Variants in DNAH7 observed in about 807,000 individuals in gnomAD.
The protein encoded by DNAH7 is dynein axonemal heavy chain 7.
In DNAH7, 397 loss-of-function variants were observed where a neutral mutation model predicts 444.6. That is an observed-to-expected ratio of 0.89 (90% CI 0.82 to 0.97). DNAH7 has a LOEUF of 0.97. Ranked by LOEUF, DNAH7 falls within the 50% of genes least tolerant of loss-of-function variation. The probability of loss-of-function intolerance (pLI) is 0.00; values close to 1 mark genes in which losing one functional copy is unlikely to be tolerated. For missense variants in DNAH7, 4,902 were observed against 4,800.8 expected (o/e 1.02, Z -0.62); for synonymous variants, 1,636 against 1,624.4 (o/e 1.01, Z -0.17).
At chr2:195,803,982 C>G (rs1696592409) in intron 54 of DNAH7, among the ~76,000 whole-genome samples, 1 of 151,972 alleles carries the variant, frequency 6.6e-6, no homozygotes, top group African/African-American at 2.4e-5. Flanking sequence ...TACATTTTTT[C>G]AAACTGGAGC....
At chr2:196,041,460 G>T (rs1032781061) in intron 5 of DNAH7, among the ~76,000 whole-genome samples, 2 of 152,022 alleles carry the variant, frequency 1.3e-5, no homozygotes, top group South Asian at 4.1e-4. Flanking sequence ...ATAAATTGGG[G>T]AAAGGACAGC....
intron 63 of DNAH7, among the ~76,000 whole-genome samples, chr2:195,746,731 T>G (rs1693434433): frequency 6.6e-6 from 1 of 152,184 alleles, no homozygotes; most frequent in Non-Finnish European, 1.5e-5. Flanking sequence ...CTCAACAACC[T>G]GCTCCTGAAT....
At chr2:196,055,782 C>A (rs896519674) in intron 2 of DNAH7, among the ~76,000 whole-genome samples, 1 of 152,142 alleles carries the variant, frequency 6.6e-6, no homozygotes, top group African/African-American at 2.4e-5. Flanking sequence ...CCTGGAGTCA[C>A]TACAAATATC....
At chr2:195,787,402 G>A (rs1486778709) in intron 57 of DNAH7, among the ~76,000 whole-genome samples, 2 of 152,098 alleles carry the variant, frequency 1.3e-5, no homozygotes, top group East Asian at 3.9e-4. Context: ...TGTACCCCAG[G>A]TTTTTAGGAA....
intron 9 of DNAH7, among the ~76,000 whole-genome samples, chr2:196,015,563 G>A (rs1694969232): frequency 6.6e-6 from 1 of 152,038 alleles, no homozygotes; most frequent in Non-Finnish European, 1.5e-5. Flanking sequence ...GTTGTGTAGG[G>A]TATGACTGCA....
intron 49 of DNAH7, among the ~76,000 whole-genome samples, chr2:195,818,542 A>C (rs1352213728): frequency 6.6e-6 from 1 of 152,186 alleles, no homozygotes; most frequent in Non-Finnish European, 1.5e-5. Context: ...AACAACAAAC[A>C]AATCATTCTA....
intron 48 of DNAH7, among the ~76,000 whole-genome samples, chr2:195,827,912 T>C (rs1697858414): frequency 6.6e-6 from 1 of 152,168 alleles, no homozygotes. Context: ...TATTTCTTCT[T>C]ATAATTTAAC....
chr2:195,809,838 T>C lies in DNAH7; in HGVS notation c.9795A>G (p.Ser3265=), dbSNP rs200996076. The C allele has an allele frequency of 2.1e-4, 333 of 1,585,284 alleles. No individual in the cohort carries two copies. Among genetic ancestry groups the C allele is most frequent in the Non-Finnish European group, 2.7e-4 (310 of 1,165,582 alleles). Reference sequence around the variant, plus strand: ...GTGACCGGCAGACATTAACATACAGTGAATAAGTAAAGTGATCCTTGAGAA... The same window carrying C: ...GTGACCGGCAGACATTAACATACAGCGAATAAGTAAAGTGATCCTTGAGAA... ...LQILKDHFTY[S]LYVNVCRSLF... The change falls in exon 52 of 65, where the codon TCA becomes TCG. Residue 3265 remains serine (S), a synonymous_variant. Transcript: ENST00000312428.
At position 195,923,807 on chromosome 2, in the gene DNAH7, C is replaced by A. The variant is rs1688169641; in HGVS notation, c.3613G>T (p.Ala1205Ser). The part of the protein sequence containing the change: ...VQTAIPMGIK[A>S]LEQYLKTCNR... ...CATGTTTTCAAGTATTGCTCAAGAG[C>A]CTGAAAGAAAAGAAAATAAGATATG... Residue 1205 changes from alanine (A) to serine (S), a missense_variant and splice_region_variant, in exon 23 of 65, where the codon GCT becomes TCT. Coordinates refer to ENST00000312428, the MANE Select transcript of DNAH7 (RefSeq NM_018897.3). 2 of 1,612,892 alleles carry A rather than the reference C, an allele frequency of 1.2e-6. No homozygotes were observed. The highest frequency in any genetic ancestry group is 1.7e-6 in the Non-Finnish European group (2 of 1,179,382).
At chr2:195,855,740 T>A in intron 45 of DNAH7, 71 bp downstream of exon 45, 1 of 1,539,456 alleles carries the variant, frequency 6.5e-7, no homozygotes, top group South Asian at 1.2e-5. Context: ...GTGTGTTATG[T>A]GCTAGTACGA....
intron 41 of DNAH7, among the ~76,000 whole-genome samples, chr2:195,862,819 T>C (rs1700100242): frequency 1.3e-5 from 2 of 152,176 alleles, no homozygotes; most frequent in South Asian, 4.1e-4. Context: ...GCAGATCACC[T>C]GAGGTCAGGA....
At position 196,010,044 on chromosome 2, in the gene DNAH7, A is replaced by C. The variant is rs184927402; in HGVS notation, c.989+2743T>G. On this transcript the variant is annotated intron_variant, in intron 10 of 64. Coordinates refer to ENST00000312428, the MANE Select transcript of DNAH7 (RefSeq NM_018897.3). ...TCTGGTTAAAAATGGCTACTATCAA[A>C]AGTACAAACAATAACAGATGCTGGC... Among the ~76,000 whole-genome samples, 417 of 152,278 alleles carry C rather than the reference A, an allele frequency of 2.7e-3. 2 individuals are homozygous for C. The highest frequency in any genetic ancestry group is 4.7e-3 in the Non-Finnish European group (322 of 68,020).
chr2:195,908,701 C>T (rs945292939), intron 25 of DNAH7, among the ~76,000 whole-genome samples: 8 of 151,998 alleles, frequency 5.3e-5, no homozygotes, highest in Non-Finnish European at 8.8e-5. Context: ...TAGGTTGATT[C>T]CATATCTTTG....
chr2:195,995,309 T>C, intron 12 of DNAH7: 1 of 494,640 alleles, frequency 2.0e-6, no homozygotes, highest in Non-Finnish European at 4.0e-6. Flanking sequence ...TTAGCAGTTT[T>C]TCTGCCTTGT....
chr2:195,838,468 A>G (rs895026305), intron 47 of DNAH7, among the ~76,000 whole-genome samples: 1 of 152,116 alleles, frequency 6.6e-6, no homozygotes, highest in African/African-American at 2.4e-5. Context: ...CAGGAGAAAA[A>G]AAAACAGAAA....
In DNAH7 at chr2:196,000,848, G is replaced by A; in HGVS notation, c.1209C>T (p.Ile403=). 1.3e-6 allele frequency: 2 copies of A among 1,596,546 alleles called. No individual in the cohort carries two copies. The highest frequency in any genetic ancestry group is 1.7e-4 in the Middle Eastern group (1 of 5,986). ...SVRAFEHPGF[I]MRLILDNDTI... is the part of the protein sequence containing the mutation. ...TGTCATTATCAAGAATCAGCCTCAT[G>A]ATGAAACCTGGATGTTCAAAAGCTC... Residue 403 remains isoleucine, a synonymous_variant, in exon 12 of 65, where the codon ATC becomes ATT. Transcript: ENST00000312428.
chr2:195,834,787 G>A (rs578024918), intron 47 of DNAH7, among the ~76,000 whole-genome samples: 1 of 152,258 alleles, frequency 6.6e-6, no homozygotes, highest in Admixed American at 6.5e-5. Context: ...CCCACCTGCT[G>A]TCATTTGTAT....
In DNAH7 at chr2:195,834,347, A is replaced by G; in HGVS notation, c.8959T>C (p.Trp2987Arg). ...CTTTGAGGATCTATCATCAGAGGCC[A>G]CCTTCTTGCATTCCTGAAAAGGAGG... is the stretch of plus-strand genomic sequence containing the variant. ...NGIIIMNARR[W>R]PLMIDPQSQA... is the part of the protein sequence containing the mutation. Residue 2987 changes from tryptophan (W) to arginine (R), a missense_variant, in exon 48 of 65, where the codon TGG becomes CGG. Transcript: ENST00000312428. 6.3e-7 allele frequency: 1 copy of G among 1,593,338 alleles called. No homozygotes were observed. The highest frequency in any genetic ancestry group is 8.6e-7 in the Non-Finnish European group (1 of 1,164,408).
chr2:195,935,646 G>A (rs1362992596), intron 20 of DNAH7, among the ~76,000 whole-genome samples: 1 of 152,094 alleles, frequency 6.6e-6, no homozygotes, highest in Non-Finnish European at 1.5e-5. Context: ...TATGCCAGAT[G>A]ATAACAACTA....
Sources: gnomAD v4.1 joint callset for allele counts (sites outside exome capture counted in the v4.1 genomes callset) on GRCh38, gnomAD v4.1.1 for gene constraint, MANE v1.5 for transcripts, NCBI Gene and HGNC (gene_info 2026-07-23, HGNC 2026-07-21) for gene names.